EPS8: variants seen among roughly 807,000 people sequenced by gnomAD.
The protein encoded by EPS8 is epidermal growth factor receptor kinase substrate 8.
In EPS8, 42 loss-of-function variants were observed where a neutral mutation model predicts 103.8. The observed-to-expected ratio is 0.40, with a 90% CI of 0.32 to 0.52. The LOEUF (loss-of-function observed/expected upper bound fraction) is 0.52. Ranked by LOEUF, EPS8 falls within the 20% of genes least tolerant of loss-of-function variation. The pLI is 0.40. For synonymous variants in EPS8, 344 were observed against 344.6 expected (o/e 1.00, Z 0.02); for missense variants, 969 against 1,005.1 (o/e 0.96, Z 0.49).
chr12:15,769,179 C>T lies in EPS8; in HGVS notation c.-22+19982G>A, dbSNP rs941624085. On this transcript the variant is annotated intron_variant, in intron 1 of 20. Transcript: ENST00000281172. This position sits in a 1 kb window ranked among gnomAD's most constrained non-coding sequence, Gnocchi z 4.6. Reference sequence around the variant, plus strand: ...CATGAACTAACCTGAAAGAAAAAAACAGGAGTTCTCTGTCTATAGAATAAT... The same window carrying T: ...CATGAACTAACCTGAAAGAAAAAAATAGGAGTTCTCTGTCTATAGAATAAT... 6.6e-6 allele frequency among the ~76,000 whole-genome samples: 1 copy of T among 151,980 alleles called. No homozygotes were observed. The highest frequency in any genetic ancestry group is 2.4e-5 in the African/African-American group (1 of 41,388).
rs558344222 is a variant in EPS8 at position 15,770,216 on chromosome 12, G to C, written c.-22+18945C>G. Among the ~76,000 whole-genome samples, 9 of 144,692 alleles carry C rather than the reference G, an allele frequency of 6.2e-5. No homozygotes were observed. In the South Asian group the frequency reaches 8.7e-4, roughly 14 times the overall value. The allele number at this position is 144,692 out of a possible 152,430, so 94.9% of individuals were successfully genotyped here. Reference sequence around the variant, plus strand: ...TGACTTAAGGATCACTTGAGCCTAGGAGCTCGAGGCTGCAGTGAGCTATGA... The same window carrying C: ...TGACTTAAGGATCACTTGAGCCTAGCAGCTCGAGGCTGCAGTGAGCTATGA... On this transcript the variant is annotated intron_variant, in intron 1 of 20. Coordinates refer to ENST00000281172, the MANE Select transcript of EPS8 (RefSeq NM_004447.6).
intron 1 of EPS8, among the ~76,000 whole-genome samples, chr12:15,770,846 T>C (rs990506543): frequency 1.3e-5 from 2 of 152,212 alleles, no homozygotes; most frequent in African/African-American, 4.8e-5. Context: ...GGGATGTTAC[T>C]GGCACAAATC....
In EPS8 at chr12:15,713,481, G is replaced by C. The variant is rs1946494116; in HGVS notation, c.-21-30509C>G. Among the ~76,000 whole-genome samples the C allele has an allele frequency of 6.6e-6, 1 of 152,178 alleles. No homozygotes were observed. The highest frequency in any genetic ancestry group is 2.4e-5 in the African/African-American group (1 of 41,434). Reference sequence around the variant, plus strand: ...AGCTGTGGCCAACACTGGAGCTATGGGGATAATCACTGGAGTCTCTTCAGC... The same window carrying C: ...AGCTGTGGCCAACACTGGAGCTATGCGGATAATCACTGGAGTCTCTTCAGC... On this transcript the variant is annotated intron_variant, in intron 1 of 20. Coordinates refer to ENST00000281172, the MANE Select transcript of EPS8 (RefSeq NM_004447.6). The surrounding 1 kb of genome is among the most constrained non-coding windows in gnomAD (Gnocchi z 4.8).
rs1166353842 is a variant in EPS8 at position 15,771,095 on chromosome 12, T to C, written c.-22+18066A>G. Among the ~76,000 whole-genome samples the C allele has an allele frequency of 6.6e-6, 1 of 151,864 alleles. No homozygotes were observed. Among genetic ancestry groups the C allele is most frequent in the African/African-American group, 2.4e-5 (1 of 41,316 alleles). ...CGATCCTGAGAAAAAAAATATTAAG[T>C]GGGAGAGGTACCAAAGAAGGTAGAT... is the stretch of plus-strand genomic sequence containing the variant. On this transcript the variant is annotated intron_variant, in intron 1 of 20. Transcript: ENST00000281172. This position sits in a 1 kb window ranked among gnomAD's most constrained non-coding sequence, Gnocchi z 4.6.
intron 3 of EPS8, 148 bp downstream of exon 3, chr12:15,681,078 A>T (rs533283517): frequency 1.6e-4 from 58 of 368,200 alleles, no homozygotes; most frequent in Non-Finnish European, 1.1e-4. Flanking sequence ...TTTTTATAAA[A>T]ACTCTTCTTT....
Position 15,727,638 on chromosome 12 carries a change from T to A in EPS8, c.-21-44666A>T, listed in dbSNP as rs1193741904. ...ACCTTGGGAGGCCGAGGTGGGCGGA[T>A]CACGAGGTCAGGAGTTCGAGACCAG... On this transcript the variant is annotated intron_variant, in intron 1 of 20. Transcript: ENST00000281172. The surrounding 1 kb of genome is among the most constrained non-coding windows in gnomAD (Gnocchi z 4.3). 1.3e-5 allele frequency among the ~76,000 whole-genome samples: 2 copies of A among 152,166 alleles called. No individual in the cohort carries two copies. The highest frequency in any genetic ancestry group is 4.8e-5 in the African/African-American group (2 of 41,444).
At chr12:15,661,928 T>G (rs935702447) in intron 9 of EPS8, 98 bp downstream of exon 9, 6 of 879,164 alleles carry the variant, frequency 6.8e-6, no homozygotes, top group Non-Finnish European at 1.1e-5. Context: ...ATGGTTTCCA[T>G]AAAATATCTC....
Position 15,714,983 on chromosome 12 carries a change from A to C in EPS8, c.-21-32011T>G, listed in dbSNP as rs1565514598. 6.6e-6 allele frequency among the ~76,000 whole-genome samples: 1 copy of C among 152,010 alleles called. No individual in the cohort carries two copies. Among genetic ancestry groups the C allele is most frequent in the Non-Finnish European group, 1.5e-5 (1 of 68,000 alleles). On this transcript the variant is annotated intron_variant, in intron 1 of 20. Transcript: ENST00000281172. This position sits in a 1 kb window ranked among gnomAD's most constrained non-coding sequence, Gnocchi z 4.1. ...CCCATCCCCTGGGCCATTCCTTCCC[A>C]TCTCCAGCACCCCTGCAAAAAAGAT...
intron 1 of EPS8, among the ~76,000 whole-genome samples, chr12:15,783,098 C>A (rs1199433580): frequency 6.6e-6 from 1 of 152,112 alleles, no homozygotes; most frequent in African/African-American, 2.4e-5. Flanking sequence ...TTGGTATGTA[C>A]CATAGATTGA....
rs192913623 is a variant in EPS8 at position 15,734,566 on chromosome 12, C to G, written c.-21-51594G>C. 1.3e-5 allele frequency among the ~76,000 whole-genome samples: 2 copies of G among 151,962 alleles called. No individual in the cohort carries two copies. The highest frequency in any genetic ancestry group is 4.8e-5 in the African/African-American group (2 of 41,380). ...AGAATTAGCCGGGCATGGTGGTGGG[C>G]GCCTGTGGTCCCAGCTACTCGGGAG... On this transcript the variant is annotated intron_variant, in intron 1 of 20. Transcript: ENST00000281172. This position sits in a 1 kb window ranked among gnomAD's most constrained non-coding sequence, Gnocchi z 4.1.
chr12:15,669,534 A>C lies in EPS8; in HGVS notation c.369T>G (p.Asn123Lys). 6.3e-7 allele frequency: 1 copy of C among 1,595,136 alleles called. No homozygotes were observed. The highest frequency in any genetic ancestry group is 8.5e-7 in the Non-Finnish European group (1 of 1,170,842). ...TGTTTAAAGGAAAATTCTCCAGTTC[A>C]TTCTATAAATAAAGTGAACATTTTA... ...AVSLIDLESK[N>K]ELENFPLNTI... Residue 123 changes from asparagine (N) to lysine (K), a missense_variant and splice_region_variant, in exon 6 of 21, where the codon AAT becomes AAG. Transcript: ENST00000281172.
chr12:15,747,386 T>G lies in EPS8; in HGVS notation c.-22+41775A>C, dbSNP rs1048392645. Among the ~76,000 whole-genome samples, 7 of 152,194 alleles carry G rather than the reference T, an allele frequency of 4.6e-5. No homozygotes were observed. Among genetic ancestry groups the G allele is most frequent in the Non-Finnish European group, 7.3e-5 (5 of 68,028 alleles). On this transcript the variant is annotated intron_variant, in intron 1 of 20. Coordinates refer to ENST00000281172, the MANE Select transcript of EPS8 (RefSeq NM_004447.6). The surrounding 1 kb of genome is among the most constrained non-coding windows in gnomAD (Gnocchi z 4.4). ...GCTTAATCTTAGTACATTAACAAAC[T>G]TACTCCATTTCCTAGAAACCCAATC...
At chr12:15,633,103 C>T (rs190902422) in intron 17 of EPS8, among the ~76,000 whole-genome samples, 1 of 152,200 alleles carries the variant, frequency 6.6e-6, no homozygotes, top group East Asian at 1.9e-4. Context: ...TTAGGTGGGA[C>T]AGAAACTGAG....
chr12:15,753,123 C>G (rs1438590391), intron 1 of EPS8, among the ~76,000 whole-genome samples: 1 of 151,938 alleles, frequency 6.6e-6, no homozygotes, highest in African/African-American at 2.4e-5. Context: ...ACATGCACCA[C>G]CCCTACCACC....
intron 14 of EPS8, among the ~76,000 whole-genome samples, chr12:15,650,421 T>C (rs754885086): frequency 3.9e-5 from 6 of 152,156 alleles, no homozygotes; most frequent in Non-Finnish European, 8.8e-5. Context: ...AGGATCTAGG[T>C]TCAGGGAACT....
rs1565529963 is a variant in EPS8 at position 15,751,334 on chromosome 12, G to T, written c.-22+37827C>A. Among the ~76,000 whole-genome samples the T allele has an allele frequency of 6.6e-6, 1 of 152,056 alleles. No homozygotes were observed. On this transcript the variant is annotated intron_variant, in intron 1 of 20. Coordinates refer to ENST00000281172, the MANE Select transcript of EPS8 (RefSeq NM_004447.6). This position sits in a 1 kb window ranked among gnomAD's most constrained non-coding sequence, Gnocchi z 4.3. ...GATCACGCCACTGCACTCCAGCCTG[G>T]GCGACAGAGTGAGACTCCATCTCAA...
At chr12:15,783,110 G>T (rs1947276558) in intron 1 of EPS8, among the ~76,000 whole-genome samples, 1 of 152,054 alleles carries the variant, frequency 6.6e-6, no homozygotes, top group Non-Finnish European at 1.5e-5. Context: ...ATAGATTGAG[G>T]TCTGCAGCTG....
intron 14 of EPS8, 80 bp downstream of exon 14, chr12:15,650,743 G>A (rs928858521): frequency 5.9e-6 from 7 of 1,180,834 alleles, no homozygotes; most frequent in Non-Finnish European, 8.5e-6. Flanking sequence ...TGAATAAAAT[G>A]AGAACTTGCA....
intron 1 of EPS8, among the ~76,000 whole-genome samples, chr12:15,773,277 C>A (rs1947173377): frequency 6.6e-6 from 1 of 152,000 alleles, no homozygotes; most frequent in Admixed American, 6.6e-5. Context: ...GCAATAGAGG[C>A]CTGAATTATT....
Sources: allele counts gnomAD v4.1 joint callset (sites outside exome capture counted in the v4.1 genomes callset), GRCh38; gene constraint gnomAD v4.1.1; non-coding constraint Gnocchi (gnomAD v3.1); transcripts MANE v1.5; gene names NCBI Gene and HGNC (gene_info 2026-07-23, HGNC 2026-07-21).